CAP2: variants seen among roughly 807,000 people sequenced by gnomAD.
The protein encoded by CAP2 is cyclase associated actin cytoskeleton regulatory protein 2.
CAP2 carries 24 observed loss-of-function variants against 57.7 expected under a neutral mutation model. That is an observed-to-expected ratio of 0.42 (90% CI 0.30 to 0.58). The LOEUF (loss-of-function observed/expected upper bound fraction) is 0.58. CAP2 is among the 20% of genes least tolerant of loss of function. The probability of loss-of-function intolerance (pLI) is 0.22; values close to 1 mark genes in which losing one functional copy is unlikely to be tolerated. For missense variants in CAP2, 501 were observed against 590.3 expected, an observed-to-expected ratio of 0.85 and a Z score of 1.57; for synonymous variants, 194 against 207.2, an observed-to-expected ratio of 0.94 and a Z score of 0.55.
intron 3 of CAP2, among the ~76,000 whole-genome samples, chr6:17,438,331 A>T (rs1398475656): frequency 7.0e-6 from 1 of 142,596 alleles, no homozygotes; most frequent in African/African-American, 2.8e-5. Flanking sequence ...GTGCCACTGC[A>T]CTCCAACCTG....
At chr6:17,543,277 A>G (rs576194822) in intron 11 of CAP2, 134 bp downstream of exon 11, 9 of 724,652 alleles carry the variant, frequency 1.2e-5, no homozygotes, top group East Asian at 1.0e-4. Flanking sequence ...CTTTCCAACC[A>G]CACTGTAAGC....
chr6:17,542,753 T>C, intron 9 of CAP2, 84 bp from the exon 10 acceptor site: 1 of 1,078,242 alleles, frequency 9.3e-7, no homozygotes. Flanking sequence ...CCATACTTCA[T>C]GCTGAGCTCG....
intron 7 of CAP2, among the ~76,000 whole-genome samples, chr6:17,520,248 C>T (rs1012366227): frequency 2.6e-5 from 4 of 152,260 alleles, no homozygotes; most frequent in Admixed American, 2.6e-4. Flanking sequence ...GCTGAGGCTA[C>T]AGGCGTGCAC....
chr6:17,499,895 T>G (rs1048190753), intron 4 of CAP2, among the ~76,000 whole-genome samples: 2 of 138,494 alleles, frequency 1.4e-5, no homozygotes, highest in African/African-American at 5.6e-5. Flanking sequence ...AAATATAGTA[T>G]ATAAGGAATA....
At chr6:17,537,586 T>C (rs1762803498) in intron 7 of CAP2, among the ~76,000 whole-genome samples, 1 of 151,548 alleles carries the variant, frequency 6.6e-6, no homozygotes, top group Non-Finnish European at 1.5e-5. Context: ...AAATTGTTTA[T>C]GACAATAAGG....
At chr6:17,424,552 C>T (rs1301613714) in intron 2 of CAP2, among the ~76,000 whole-genome samples, 1 of 152,112 alleles carries the variant, frequency 6.6e-6, no homozygotes, top group Non-Finnish European at 1.5e-5. Flanking sequence ...TTAAGTTGCG[C>T]TCAACAGTTG....
At chr6:17,506,151 A>C (rs1009855170) in intron 4 of CAP2, among the ~76,000 whole-genome samples, 1 of 152,128 alleles carries the variant, frequency 6.6e-6, no homozygotes, top group Non-Finnish European at 1.5e-5. Flanking sequence ...TTCCCGCCTA[A>C]GCCTCCCAAA....
intron 4 of CAP2, among the ~76,000 whole-genome samples, chr6:17,502,064 G>C (rs1019744170): frequency 1.3e-5 from 2 of 152,198 alleles, no homozygotes; most frequent in Admixed American, 6.5e-5. Flanking sequence ...CTATGTAAAA[G>C]TCATTGCAAA....
Position 17,463,006 on chromosome 6 carries a change from T to C in CAP2, c.233T>C (p.Val78Ala). 6.2e-7 allele frequency: 1 copy of C among 1,614,024 alleles called. No homozygotes were observed. The highest frequency in any genetic ancestry group is 8.5e-7 in the Non-Finnish European group (1 of 1,179,862). Residue 78 changes from valine (V) to alanine (A), a missense_variant, in exon 4 of 13, where the codon GTG becomes GCG. Transcript: ENST00000229922. ...CCTCTTTGTTCCCAGGCAGAAATGG[T>C]GCACAGTGCTTTCCAGGCCCAGCGG... ...AGDVETHAEM[V>A]HSAFQAQRAF...
intron 4 of CAP2, among the ~76,000 whole-genome samples, chr6:17,488,977 G>A (rs555971708): frequency 6.6e-6 from 1 of 152,280 alleles, no homozygotes; most frequent in African/African-American, 2.4e-5. Flanking sequence ...ACTCCACTGT[G>A]CTGAGGGGTC....
At chr6:17,519,607 G>A (rs900161532) in intron 7 of CAP2, among the ~76,000 whole-genome samples, 2 of 152,112 alleles carry the variant, frequency 1.3e-5, no homozygotes, top group Non-Finnish European at 2.9e-5. Flanking sequence ...GCACTTCGTT[G>A]AACAAATTGA....
chr6:17,456,504 G>C (rs16879739), intron 3 of CAP2, among the ~76,000 whole-genome samples: 6,118 of 151,996 alleles, frequency 0.04, 250 homozygotes, highest in Admixed American at 0.11. Flanking sequence ...GAAACTCTAG[G>C]GACTTTTCCT....
intron 3 of CAP2, among the ~76,000 whole-genome samples, chr6:17,454,099 A>G (rs1463129235): frequency 1.3e-5 from 2 of 151,158 alleles, no homozygotes. Context: ...TTATAGAGAC[A>G]GGGTTTTACC....
At position 17,504,861 on chromosome 6, in the gene CAP2, T is replaced by C. The variant is rs80244688; in HGVS notation, c.301-2308T>C. ...TTTAAATATTAATTGTGACCTATTCTATTGGATTTGTCAAAAAGCTGAACT... is the reference window on the plus strand; with the variant it reads ...TTTAAATATTAATTGTGACCTATTCCATTGGATTTGTCAAAAAGCTGAACT... On this transcript the variant is annotated intron_variant, in intron 4 of 12. Transcript: ENST00000229922. Among the ~76,000 whole-genome samples, 136 of 152,346 alleles carry C rather than the reference T, an allele frequency of 8.9e-4. 2 individuals are homozygous for C. The East Asian group carries it at 0.024, about 27-fold the overall frequency.
intron 3 of CAP2, among the ~76,000 whole-genome samples, chr6:17,428,039 A>G (rs1003557097): frequency 6.6e-6 from 1 of 152,218 alleles, no homozygotes; most frequent in Non-Finnish European, 1.5e-5. Flanking sequence ...CAGTTTTCCA[A>G]GATTAAGAAG....
At chr6:17,549,589 C>A (rs1386924329) in intron 11 of CAP2, among the ~76,000 whole-genome samples, 1 of 152,122 alleles carries the variant, frequency 6.6e-6, no homozygotes, top group East Asian at 1.9e-4. Flanking sequence ...GTATAACCTA[C>A]CTAACTAGTA....
At chr6:17,530,824 T>G in intron 7 of CAP2, 1 of 652,002 alleles carries the variant, frequency 1.5e-6, no homozygotes, top group Non-Finnish European at 2.5e-6. Context: ...CCCACTTTTT[T>G]TTTTTTCAGT....
At chr6:17,481,808 C>A (rs1761293927) in intron 4 of CAP2, among the ~76,000 whole-genome samples, 1 of 152,192 alleles carries the variant, frequency 6.6e-6, no homozygotes, top group African/African-American at 2.4e-5. Context: ...CTTTTCCACC[C>A]CATCCTCCCC....
chr6:17,526,183 A>G (rs1762503342), intron 7 of CAP2, among the ~76,000 whole-genome samples: 1 of 151,264 alleles, frequency 6.6e-6, no homozygotes. Context: ...AGTGGTGTGA[A>G]CTCAGCTCAC....
Sources: allele counts gnomAD v4.1 joint callset (sites outside exome capture counted in the v4.1 genomes callset), GRCh38; gene constraint gnomAD v4.1.1; transcripts MANE v1.5; gene names NCBI Gene and HGNC (gene_info 2026-07-23, HGNC 2026-07-21).